Variants in RIC1 observed in about 807,000 individuals in gnomAD.
RIC1 encodes the protein guanine nucleotide exchange factor subunit RIC1.
RIC1 carries 88 observed loss-of-function variants against 169.0 expected under a neutral mutation model. The observed-to-expected ratio is 0.52, with a 90% CI of 0.44 to 0.62. The LOEUF (loss-of-function observed/expected upper bound fraction) is 0.62. Ranked by LOEUF, RIC1 falls within the 20% of genes least tolerant of loss-of-function variation. The pLI is 0.00. For missense variants in RIC1, 1,877 were observed against 1,725.5 expected (o/e 1.09, Z -1.56); for synonymous variants, 790 against 601.5 (o/e 1.31, Z -4.59).
intron 1 of RIC1, among the ~76,000 whole-genome samples, chr9:5,649,507 C>T (rs559086354): frequency 3.3e-4 from 50 of 152,152 alleles, no homozygotes; most frequent in South Asian, 4.1e-4. Flanking sequence ...GTGAATTCTT[C>T]GGTTTGAGGA....
intron 3 of RIC1, among the ~76,000 whole-genome samples, chr9:5,699,845 G>A (rs1335266809): frequency 6.6e-6 from 1 of 152,042 alleles, no homozygotes; most frequent in Non-Finnish European, 1.5e-5. Flanking sequence ...AAACTTTAAA[G>A]CATATCTGAA....
intron 2 of RIC1, among the ~76,000 whole-genome samples, chr9:5,677,171 A>T (rs189210118): frequency 6.6e-6 from 1 of 152,268 alleles, no homozygotes; most frequent in East Asian, 1.9e-4. Context: ...ATTTTCCTCT[A>T]TCTTTGCCAA....
chr9:5,643,237 G>A (rs1046338874), intron 1 of RIC1, among the ~76,000 whole-genome samples: 1 of 152,274 alleles, frequency 6.6e-6, no homozygotes, highest in African/African-American at 2.4e-5. Flanking sequence ...AGCCTGGGAT[G>A]TCTTGATTCA....
At chr9:5,696,049 A>G (rs1445715199) in intron 3 of RIC1, among the ~76,000 whole-genome samples, 2 of 152,054 alleles carry the variant, frequency 1.3e-5, no homozygotes, top group East Asian at 1.9e-4. Context: ...TTCACTTTAC[A>G]TATTTGTTCA....
intron 6 of RIC1, among the ~76,000 whole-genome samples, chr9:5,722,629 CAT>C (rs1449958108): frequency 6.6e-6 from 1 of 152,088 alleles, no homozygotes; most frequent in East Asian, 1.9e-4. Context: ...CATATGTACA[CAT>C]GTGCCATGTT....
At chr9:5,675,528 T>C (rs1001614729) in intron 2 of RIC1, among the ~76,000 whole-genome samples, 1 of 152,388 alleles carries the variant, frequency 6.6e-6, no homozygotes, top group Non-Finnish European at 1.5e-5. Context: ...ACTCTTTATG[T>C]ACTTTATTTC....
chr9:5,746,191 T>C (rs1332138888), intron 11 of RIC1, 108 bp downstream of exon 11: 1 of 682,684 alleles, frequency 1.5e-6, no homozygotes, highest in African/African-American at 1.8e-5. Flanking sequence ...CATATTATCT[T>C]CTTTTCTATG....
intron 7 of RIC1, among the ~76,000 whole-genome samples, chr9:5,737,699 T>C (rs1329838313): frequency 1.3e-5 from 2 of 151,760 alleles, no homozygotes; most frequent in Non-Finnish European, 2.9e-5. Context: ...CATATAACTT[T>C]TGACTCGCCC....
At chr9:5,645,241 A>T (rs939513865) in intron 1 of RIC1, among the ~76,000 whole-genome samples, 2 of 152,120 alleles carry the variant, frequency 1.3e-5, no homozygotes, top group Admixed American at 1.3e-4. Context: ...TTGTAGAGAC[A>T]GGGTCTCCAT....
intron 4 of RIC1, among the ~76,000 whole-genome samples, chr9:5,718,158 A>AT (rs1563923376): frequency 2.0e-5 from 3 of 151,156 alleles, no homozygotes; most frequent in Admixed American, 1.3e-4. Context: ...AAAAAAAAAA[A>AT]AAAAAAAAGT....
chr9:5,649,346 C>A (rs536635011), intron 1 of RIC1, among the ~76,000 whole-genome samples: 2 of 152,118 alleles, frequency 1.3e-5, no homozygotes, highest in African/African-American at 4.8e-5. Context: ...TCAAATAGAT[C>A]ACTTTATGGT....
At chr9:5,706,083 C>G (rs529204801) in intron 3 of RIC1, among the ~76,000 whole-genome samples, 30 of 152,212 alleles carry the variant, frequency 2.0e-4, no homozygotes, top group East Asian at 1.2e-3. Flanking sequence ...CATCTATATT[C>G]ATAAGGTATA....
At chr9:5,758,280 T>A (rs1445292730) in intron 17 of RIC1, among the ~76,000 whole-genome samples, 5 of 152,218 alleles carry the variant, frequency 3.3e-5, no homozygotes, top group Non-Finnish European at 7.3e-5. Context: ...TCTATTTCAG[T>A]GGTTTCTAAA....
chr9:5,736,421 T>A (rs1824708893), intron 7 of RIC1, among the ~76,000 whole-genome samples: 1 of 152,236 alleles, frequency 6.6e-6, no homozygotes, highest in African/African-American at 2.4e-5. Context: ...TTCTGAAAGA[T>A]GAGAAACAAA....
Position 5,763,258 on chromosome 9 carries a change from C to G in RIC1, c.2231C>G (p.Ala744Gly), listed in dbSNP as rs1407909232. ...LEALWLSCGG[A>G]GMKVWLPLFP... ...GCCCTCTGGCTGAGCTGTGGTGGTG[C>G]AGGGATGAAAGTTTGGCTCCCTCTC... Residue 744 changes from alanine to glycine, a missense_variant, in exon 19 of 26, where the codon GCA becomes GGA. Around this residue, in one of 3 missense-constraint regions of RIC1, gnomAD observed 1,104 missense variants for 992.0 expected, o/e 1.11. Coordinates refer to ENST00000414202, the MANE Select transcript of RIC1 (RefSeq NM_020829.4). The surrounding 1 kb of genome is among the most constrained non-coding windows in gnomAD (Gnocchi z 5.2). 6.2e-7 allele frequency: 1 copy of G among 1,614,128 alleles called. No homozygotes were observed. Among genetic ancestry groups the G allele is most frequent in the Non-Finnish European group, 8.5e-7 (1 of 1,180,016 alleles).
chr9:5,687,392 G>T (rs112320219), intron 2 of RIC1, among the ~76,000 whole-genome samples: 9 of 151,984 alleles, frequency 5.9e-5, no homozygotes, highest in Non-Finnish European at 1.3e-4. Flanking sequence ...TTTGGATTTC[G>T]TTTGCTCTAG....
chr9:5,683,966 G>GGTAT (rs1380261123), intron 2 of RIC1, among the ~76,000 whole-genome samples: 1 of 152,194 alleles, frequency 6.6e-6, no homozygotes, highest in Non-Finnish European at 1.5e-5. Context: ...ATAATCTCCT[G>GGTAT]GTATGCCATT....
At chr9:5,693,651 T>A (rs1353697707) in intron 3 of RIC1, among the ~76,000 whole-genome samples, 1 of 152,186 alleles carries the variant, frequency 6.6e-6, no homozygotes, top group Admixed American at 6.5e-5. Context: ...GAAGGAAACT[T>A]CCAGGGATAA....
chr9:5,641,131 A>G (rs1037449213), intron 1 of RIC1, among the ~76,000 whole-genome samples: 2 of 146,194 alleles, frequency 1.4e-5, no homozygotes, highest in East Asian at 2.0e-4. Flanking sequence ...TTGCTCTGTC[A>G]CCCAGGCTGG....
Sources: allele counts gnomAD v4.1 joint callset (sites outside exome capture counted in the v4.1 genomes callset), GRCh38; gene constraint gnomAD v4.1.1; regional missense constraint gnomAD v4.1.1; non-coding constraint Gnocchi (gnomAD v3.1); transcripts MANE v1.5; gene names NCBI Gene and HGNC (gene_info 2026-07-23, HGNC 2026-07-21).